The following RPE variants were observed in gnomAD, a reference collection of about 807,000 sequenced individuals.
The protein encoded by RPE is ribulose-5-phosphate-3-epimerase, also known as ribulose-phosphate 3-epimerase.
In RPE, 16 loss-of-function variants were observed where a neutral mutation model predicts 24.6. The observed-to-expected ratio is 0.65, with a 90% CI of 0.44 to 0.99. The LOEUF (loss-of-function observed/expected upper bound fraction) is 0.99. Ranked by LOEUF, RPE falls within the 50% of genes least tolerant of loss-of-function variation. RPE has a pLI of 0.00. For synonymous variants in RPE, 93 were observed against 98.4 expected (o/e 0.94, Z 0.33); for missense variants, 240 against 294.5 (o/e 0.81, Z 1.35).
At chr2:210,016,381 T>TA (rs1304949591) in intron 3 of RPE, 126 bp from the exon 4 acceptor site, 10 of 1,562,416 alleles carry the variant, frequency 6.4e-6, no homozygotes, top group African/African-American at 2.8e-5. Flanking sequence ...TGAAAATACT[T>TA]ACATTTAATA....
intron 5 of RPE, chr2:210,018,275 T>G: frequency 6.7e-7 from 1 of 1,500,876 alleles, no homozygotes; most frequent in Non-Finnish European, 8.8e-7. Flanking sequence ...TATTACATTA[T>G]TCTTTAGAAC....
chr2:210,012,083 G>A (rs1336372309), intron 2 of RPE, among the ~76,000 whole-genome samples: 1 of 152,098 alleles, frequency 6.6e-6, no homozygotes, highest in African/African-American at 2.4e-5. Context: ...TACATGTTGT[G>A]TTGTATATGT....
chr2:210,003,427 T>A (rs765904781), intron 1 of RPE: 1 of 1,285,696 alleles, frequency 7.8e-7, no homozygotes, highest in South Asian at 1.2e-5. Flanking sequence ...TCCTGTCTAT[T>A]TTCTCTTCAG....
At chr2:210,011,421 C>T (rs988820772) in intron 2 of RPE, among the ~76,000 whole-genome samples, 9 of 152,052 alleles carry the variant, frequency 5.9e-5, no homozygotes, top group South Asian at 2.1e-4. Context: ...TTCCCCTTTT[C>T]GCTCCCTTTT....
At chr2:210,013,977 C>G (rs746637222) in intron 2 of RPE, among the ~76,000 whole-genome samples, 1 of 152,204 alleles carries the variant, frequency 6.6e-6, no homozygotes, top group African/African-American at 2.4e-5. Flanking sequence ...ACTCCCTGAA[C>G]ACCATAGAAC....
rs139474266 is a variant in RPE at position 210,003,347 on chromosome 2, A to C, written c.122+564A>C. ...AGATGAAATGAGCGAGTACATGAGA[A>C]GTTTACAGTGCCTGGCGTATATTAA... On this transcript the variant is annotated intron_variant, in intron 1 of 5. Transcript: ENST00000359429. The C allele has an allele frequency of 3.0e-5, 19 of 632,760 alleles. No individual in the cohort carries two copies. In the East Asian group the frequency reaches 1.2e-3, roughly 40 times the overall value. The allele number at this position is 632,760 out of a possible 1,614,324, so 39.2% of individuals were successfully genotyped here.
intron 5 of RPE, chr2:210,018,110 C>G (rs2093803925): frequency 6.7e-7 from 1 of 1,494,604 alleles, no homozygotes; most frequent in African/African-American, 1.4e-5. Flanking sequence ...CTCAGGAAGG[C>G]TGAAGAAAGT....
At chr2:210,011,225 A>T (rs2093695101) in intron 2 of RPE, among the ~76,000 whole-genome samples, 1 of 152,166 alleles carries the variant, frequency 6.6e-6, no homozygotes. Context: ...TGATTATCTA[A>T]ACTTTCTTTT....
chr2:210,019,590 A>G, intron 5 of RPE, 79 bp from the exon 6 acceptor site: 2 of 1,529,552 alleles, frequency 1.3e-6, no homozygotes, highest in Non-Finnish European at 1.8e-6. Flanking sequence ...GCAAGGGTAG[A>G]CACTCTAGTC....
chr2:210,004,822 A>G (rs762348005), intron 1 of RPE, among the ~76,000 whole-genome samples: 3 of 152,136 alleles, frequency 2.0e-5, no homozygotes, highest in Non-Finnish European at 4.4e-5. Flanking sequence ...TTGCAGCTCT[A>G]TGGCAGACTG....
At position 210,018,590 on chromosome 2, in the gene RPE, T is replaced by C. The variant is rs193294855; in HGVS notation, c.564+1031T>C. The C allele has an allele frequency of 9.1e-6, 9 of 985,290 alleles. No homozygotes were observed. The South Asian group carries it at 2.3e-4, about 26-fold the overall frequency. 61.0% of individuals were successfully genotyped at this position (985,290 alleles called of 1,614,324 possible). ...ATACCTATCAAAAGCTTGACAGTAGTAAATACTTATGCAGGAGGGGCTGGC... is the reference window on the plus strand; with the variant it reads ...ATACCTATCAAAAGCTTGACAGTAGCAAATACTTATGCAGGAGGGGCTGGC... On this transcript the variant is annotated intron_variant, in intron 5 of 5. Coordinates refer to ENST00000359429, the MANE Select transcript of RPE (RefSeq NM_199229.3).
chr2:210,017,838 G>A (rs774968404), intron 5 of RPE: 8 of 572,112 alleles, frequency 1.4e-5, no homozygotes, highest in African/African-American at 3.9e-5. Flanking sequence ...TCTGCCTGCC[G>A]GGTTCAAGCG....
rs2093839482 is a variant in RPE at position 210,020,240 on chromosome 2, G to A, written c.*449G>A. On this transcript the variant is annotated 3_prime_UTR_variant, in exon 6 of 6. Transcript: ENST00000359429. ...TCATGTTATTGTGATTTGTTTATAA[G>A]TTTGGGTGGGGTGCATACCATATTC... 5.9e-6 allele frequency: 1 copy of A among 168,194 alleles called. No individual in the cohort carries two copies. Among genetic ancestry groups the A allele is most frequent in the African/African-American group, 2.4e-5 (1 of 41,428 alleles). The allele number at this position is 168,194 out of a possible 1,614,324, so 10.4% of individuals were successfully genotyped here.
chr2:210,008,262 G>T (rs1440443028), intron 1 of RPE, among the ~76,000 whole-genome samples: 2 of 151,218 alleles, frequency 1.3e-5, no homozygotes, highest in Non-Finnish European at 2.9e-5. Flanking sequence ...TATGGTACTT[G>T]CATATAGGGG....
At chr2:210,016,216 ACC>A in intron 3 of RPE, 104 bp downstream of exon 3, 1 of 1,613,950 alleles carries the variant, frequency 6.2e-7, no homozygotes, top group South Asian at 1.1e-5. Flanking sequence ...TTGCTCTGTC[ACC>A]CAGGCTGAAG....
intron 2 of RPE, among the ~76,000 whole-genome samples, chr2:210,013,940 A>G (rs1559480009): frequency 6.6e-6 from 1 of 152,216 alleles, no homozygotes; most frequent in Admixed American, 6.5e-5. Context: ...TCTAATGTTA[A>G]CTATGCACAG....
chr2:210,007,099 G>A (rs2093641198), intron 1 of RPE, among the ~76,000 whole-genome samples: 1 of 152,242 alleles, frequency 6.6e-6, no homozygotes, highest in Non-Finnish European at 1.5e-5. Flanking sequence ...TACTGGTTGT[G>A]TGACCTTGGG....
chr2:210,017,880 G>A (rs929968577), intron 5 of RPE: 2 of 551,122 alleles, frequency 3.6e-6, no homozygotes, highest in Non-Finnish European at 6.4e-6. Context: ...GAGTAGCTGG[G>A]ATTACAGGTA....
intron 2 of RPE, among the ~76,000 whole-genome samples, chr2:210,011,551 A>G (rs1224483792): frequency 6.6e-6 from 1 of 151,960 alleles, no homozygotes. Context: ...CTTGTTTTTA[A>G]TTTGTTGATA....
Sources: allele counts gnomAD v4.1 joint callset (sites outside exome capture counted in the v4.1 genomes callset), GRCh38; gene constraint gnomAD v4.1.1; transcripts MANE v1.5; gene names NCBI Gene and HGNC (gene_info 2026-07-23, HGNC 2026-07-21).